The following EPHB1 variants were observed in gnomAD, a reference collection of about 807,000 sequenced individuals.
The protein encoded by EPHB1 is EPH receptor B1, also known as ephrin type-B receptor 1.
Under a neutral mutation model 94.4 loss-of-function variants are expected in EPHB1, and 30 were observed. The ratio of observed to expected loss-of-function variants is 0.32; its 90% CI spans 0.24 to 0.43. The LOEUF is 0.43. Among genes scored for constraint, EPHB1 ranks in the 20% least tolerant of loss-of-function variants. The probability of loss-of-function intolerance (pLI) is 1.00; values close to 1 mark genes in which losing one functional copy is unlikely to be tolerated. For synonymous variants in EPHB1, 522 were observed against 489.1 expected, an observed-to-expected ratio of 1.07 and a Z score of -0.89; for missense variants, 1,055 against 1,308.3, an observed-to-expected ratio of 0.81 and a Z score of 2.99.
At chr3:135,232,532 A>G (rs1482553657) in intron 12 of EPHB1, among the ~76,000 whole-genome samples, 1 of 152,242 alleles carries the variant, frequency 6.6e-6, no homozygotes, top group Non-Finnish European at 1.5e-5. Flanking sequence ...TTGACATACA[A>G]TGTAAACTTT....
At chr3:135,216,515 G>C (rs1378339797) in intron 12 of EPHB1, among the ~76,000 whole-genome samples, 1 of 151,846 alleles carries the variant, frequency 6.6e-6, no homozygotes, top group African/African-American at 2.4e-5. Flanking sequence ...TTGAGGTCAG[G>C]AGTTTGAGAC....
chr3:135,072,481 C>T (rs1376433136), intron 3 of EPHB1, among the ~76,000 whole-genome samples: 1 of 152,164 alleles, frequency 6.6e-6, no homozygotes, highest in African/African-American at 2.4e-5. Context: ...TTTACCAGCC[C>T]TCTGGAACCT....
intron 3 of EPHB1, among the ~76,000 whole-genome samples, chr3:135,012,564 T>A (rs538141657): frequency 6.6e-6 from 1 of 152,364 alleles, no homozygotes; most frequent in East Asian, 1.9e-4. Context: ...TCAGAAAAAC[T>A]TCATTTTCCC....
intron 3 of EPHB1, among the ~76,000 whole-genome samples, chr3:135,029,742 C>G (rs1277120186): frequency 1.3e-5 from 2 of 151,754 alleles, no homozygotes; most frequent in Non-Finnish European, 2.9e-5. Flanking sequence ...GTGGCATTCT[C>G]TGTATTTCCT....
chr3:135,079,573 C>T (rs762158860), intron 3 of EPHB1, among the ~76,000 whole-genome samples: 1 of 152,172 alleles, frequency 6.6e-6, no homozygotes, highest in Non-Finnish European at 1.5e-5. Flanking sequence ...AAGCACGTCA[C>T]CTCCTTGAGC....
intron 1 of EPHB1, among the ~76,000 whole-genome samples, chr3:134,833,701 G>A (rs1354919461): frequency 6.6e-6 from 1 of 152,164 alleles, no homozygotes; most frequent in African/African-American, 2.4e-5. Context: ...AGGGTGTCTA[G>A]AGGAGCTGCC....
chr3:134,861,119 T>C (rs2037247281), intron 1 of EPHB1, among the ~76,000 whole-genome samples: 1 of 152,040 alleles, frequency 6.6e-6, no homozygotes, highest in Non-Finnish European at 1.5e-5. Flanking sequence ...TCTACAGATG[T>C]TGGAATCATA....
intron 1 of EPHB1, among the ~76,000 whole-genome samples, chr3:134,917,206 A>G (rs1022172827): frequency 2.0e-5 from 3 of 152,202 alleles, no homozygotes; most frequent in Admixed American, 6.5e-5. Flanking sequence ...CCTAAGAACT[A>G]AGAGCCAGAA....
rs148880744 is a variant in EPHB1, at chr3:135,170,363, A to C, written c.1759+3357A>C. Among the ~76,000 whole-genome samples, 655 of 152,338 alleles carry C rather than the reference A, an allele frequency of 4.3e-3. 4 individuals carry two copies. The highest frequency in any genetic ancestry group is 0.015 in the African/African-American group (618 of 41,586). On this transcript the variant is annotated intron_variant, in intron 9 of 15. Coordinates refer to ENST00000398015, the MANE Select transcript of EPHB1 (RefSeq NM_004441.5). The stretch of plus-strand genomic sequence containing the variant: ...GCACTGGTTTAATGTTCCTCCTCAG[A>C]ACCTGGAGCACAGTGAATAGGAATA...
rs866757134 is a variant in EPHB1 at position 134,837,396 on chromosome 3, A to G, written c.58+41707A>G. Among the ~76,000 whole-genome samples the G allele has an allele frequency of 5.3e-5, 8 of 152,370 alleles. No homozygotes were observed. The Middle Eastern group carries it at 0.02, about 389-fold the overall frequency. ...CTTAAAATCCAGTTTATTGTCAAAG[A>G]ATCCTTGATTGTCATCCTGCTGGGT... On this transcript the variant is annotated intron_variant, in intron 1 of 15. Transcript: ENST00000398015.
At chr3:135,090,548 TGCAATTTAGGA>T (rs1224678082) in intron 3 of EPHB1, among the ~76,000 whole-genome samples, 1 of 152,228 alleles carries the variant, frequency 6.6e-6, no homozygotes. Flanking sequence ...CCACTATCAC[TGCAATTTAGGA>T]GCTGAGCTCT....
intron 1 of EPHB1, among the ~76,000 whole-genome samples, chr3:134,819,363 A>G (rs1424223683): frequency 1.3e-5 from 2 of 151,942 alleles, no homozygotes; most frequent in Admixed American, 6.5e-5. Flanking sequence ...GTGAATTCCC[A>G]TTTCCTACGA....
intron 3 of EPHB1, among the ~76,000 whole-genome samples, chr3:135,060,002 G>A (rs1199538365): frequency 1.3e-5 from 2 of 152,174 alleles, no homozygotes; most frequent in Non-Finnish European, 2.9e-5. Context: ...GCACAAGTGT[G>A]TTCATCTTCT....
intron 3 of EPHB1, among the ~76,000 whole-genome samples, chr3:135,010,936 T>C (rs1353903058): frequency 2.0e-5 from 3 of 152,200 alleles, no homozygotes; most frequent in African/African-American, 7.2e-5. Context: ...CACACTTGGA[T>C]AAACAAGTTC....
At chr3:134,833,251 G>C (rs912719908) in intron 1 of EPHB1, among the ~76,000 whole-genome samples, 2 of 152,166 alleles carry the variant, frequency 1.3e-5, no homozygotes, top group African/African-American at 4.8e-5. Flanking sequence ...GTCTGCCGGG[G>C]GTGCAACACT....
chr3:134,801,311 T>C (rs1391190553), intron 1 of EPHB1, among the ~76,000 whole-genome samples: 5 of 152,176 alleles, frequency 3.3e-5, no homozygotes, highest in African/African-American at 4.8e-5. Flanking sequence ...AGGACTGGTA[T>C]ATTCGTTCCT....
At chr3:135,236,027 A>G (rs1412008508) in intron 12 of EPHB1, among the ~76,000 whole-genome samples, 1 of 152,244 alleles carries the variant, frequency 6.6e-6, no homozygotes, top group African/African-American at 2.4e-5. Flanking sequence ...AGTATCTGAT[A>G]AAATTGTATA....
intron 3 of EPHB1, among the ~76,000 whole-genome samples, chr3:134,974,238 G>T (rs1050120743): frequency 6.8e-6 from 1 of 147,534 alleles, no homozygotes; most frequent in African/African-American, 2.5e-5. Flanking sequence ...ACACACACAT[G>T]CGCACAAACA....
intron 3 of EPHB1, among the ~76,000 whole-genome samples, chr3:135,074,946 G>A (rs947200671): frequency 6.6e-6 from 1 of 152,166 alleles, no homozygotes; most frequent in Non-Finnish European, 1.5e-5. Flanking sequence ...AATCCAACAA[G>A]CAGCTCAAAA....
Sources: gnomAD v4.1 joint callset for allele counts (sites outside exome capture counted in the v4.1 genomes callset) on GRCh38, gnomAD v4.1.1 for gene constraint, MANE v1.5 for transcripts, NCBI Gene and HGNC (gene_info 2026-07-23, HGNC 2026-07-21) for gene names.